CCDC102A: variants seen among roughly 807,000 people sequenced by gnomAD.
CCDC102A encodes the protein coiled-coil domain-containing protein 102A.
In CCDC102A, 40 loss-of-function variants were observed where a neutral mutation model predicts 55.5. The ratio of observed to expected loss-of-function variants is 0.72; its 90% CI spans 0.56 to 0.94. The LOEUF is 0.94. CCDC102A is among the 40% of genes least tolerant of loss of function. The pLI is 0.00. For missense variants in CCDC102A, 779 were observed against 768.6 expected, an observed-to-expected ratio of 1.01 and a Z score of -0.16; for synonymous variants, 323 against 339.0, an observed-to-expected ratio of 0.95 and a Z score of 0.52.
Position 57,516,483 on chromosome 16 carries a change from G to A in CCDC102A, c.1249-20C>T. 1 of 1,598,554 alleles carries A rather than the reference G, an allele frequency of 6.3e-7. No individual in the cohort carries two copies. Among genetic ancestry groups the A allele is most frequent in the African/African-American group, 1.3e-5 (1 of 74,972 alleles). ...CAGCTCCTACAGGGCACAGGGATGG[G>A]GTGGGAGGGAGGAGGGAATCAGTAT... On this transcript the variant is annotated intron_variant, in intron 6 of 8. Coordinates refer to ENST00000258214, the MANE Select transcript of CCDC102A (RefSeq NM_033212.4). This position sits in a 1 kb window ranked among gnomAD's most constrained non-coding sequence, Gnocchi z 4.4.
chr16:57,515,576 C>T (rs2031942087), intron 7 of CCDC102A, 132 bp from the exon 8 acceptor site: 1 of 677,754 alleles, frequency 1.5e-6, no homozygotes. Flanking sequence ...TCCTTGAGGC[C>T]TAGGCTAAGG....
intron 1 of CCDC102A, among the ~76,000 whole-genome samples, chr16:57,531,019 C>A (rs1411962065): frequency 2.6e-5 from 4 of 151,902 alleles, no homozygotes; most frequent in Admixed American, 6.5e-5. Flanking sequence ...CCCAGGTGAA[C>A]CCCCTGGGCT....
intron 4 of CCDC102A, among the ~76,000 whole-genome samples, chr16:57,520,590 AC>A (rs2032030414): frequency 7.7e-6 from 1 of 130,478 alleles, no homozygotes; most frequent in Non-Finnish European, 1.6e-5. Context: ...ACATAACATA[AC>A]ATAAATAAAA....
chr16:57,512,598 C>T lies in CCDC102A; in HGVS notation c.*143G>A, dbSNP rs1314040468. ...GGGCGTTGGTAGGTGGGACTGTTGACGCCATCCCTGGGAGAGAAGAAAGTC... is the reference window on the plus strand; with the variant it reads ...GGGCGTTGGTAGGTGGGACTGTTGATGCCATCCCTGGGAGAGAAGAAAGTC... On this transcript the variant is annotated 3_prime_UTR_variant, in exon 9 of 9. Coordinates refer to ENST00000258214, the MANE Select transcript of CCDC102A (RefSeq NM_033212.4). The T allele has an allele frequency of 1.7e-5, 17 of 1,021,048 alleles. No homozygotes were observed. Among genetic ancestry groups the T allele is most frequent in the African/African-American group, 6.4e-5 (4 of 62,344 alleles). The allele number at this position is 1,021,048 out of a possible 1,614,324, so 63.2% of individuals were successfully genotyped here. A position where few individuals can be genotyped will look rare whatever the true frequency, so the allele number is the denominator to read the frequency against.
Position 57,525,902 on chromosome 16 carries a change from C to A in CCDC102A, c.811G>T (p.Glu271Ter). ...ESQKVLLKEREDKLALSRNIE... is the reference protein window; with the variant it reads ...ESQKVLLKER ...CCCCTCCCGCCTCCCACGACTCACTCTCGCTCCTTGAGCAGCACCTTCTGG... is the reference window on the plus strand; with the variant it reads ...CCCCTCCCGCCTCCCACGACTCACTATCGCTCCTTGAGCAGCACCTTCTGG... Residue 271 changes from glutamate to a stop codon, truncating the protein, a stop_gained and splice_region_variant, in exon 3 of 9, where the codon GAG (glutamate) becomes TAG (stop). Transcript: ENST00000258214. LOFTEE classifies it high-confidence loss of function. 6.2e-7 allele frequency: 1 copy of A among 1,612,426 alleles called. No individual in the cohort carries two copies. Among genetic ancestry groups the A allele is most frequent in the Non-Finnish European group, 8.5e-7 (1 of 1,179,490 alleles).
At chr16:57,531,482 C>CGTGT (rs143294178) in intron 1 of CCDC102A, among the ~76,000 whole-genome samples, 17,461 of 152,094 alleles carry the variant, frequency 0.11, 2,029 homozygotes, top group African/African-American at 0.3. Flanking sequence ...AGTACCCACA[C>CGTGT]CCACCTCCCT....
chr16:57,518,403 T>C (rs2031994655), intron 5 of CCDC102A, 126 bp from the exon 6 acceptor site: 1 of 920,152 alleles, frequency 1.1e-6, no homozygotes, highest in African/African-American at 1.7e-5. Flanking sequence ...GCATTGGCTG[T>C]AATTAAGCTG....
chr16:57,524,282 T>C (rs1235247002), intron 3 of CCDC102A, among the ~76,000 whole-genome samples: 3 of 151,784 alleles, frequency 2.0e-5, no homozygotes, highest in Non-Finnish European at 2.9e-5. Flanking sequence ...TGGAGCCATT[T>C]TCAGATGAGC....
At chr16:57,534,890 G>T (rs1341386477) in intron 1 of CCDC102A, among the ~76,000 whole-genome samples, 2 of 152,224 alleles carry the variant, frequency 1.3e-5, no homozygotes, top group Non-Finnish European at 2.9e-5. Flanking sequence ...ACTGGGAACA[G>T]CGTTGTGTTT....
intron 2 of CCDC102A, among the ~76,000 whole-genome samples, chr16:57,527,250 C>T (rs955663849): frequency 6.6e-6 from 1 of 152,196 alleles, no homozygotes; most frequent in Non-Finnish European, 1.5e-5. Flanking sequence ...AGCTTGGACC[C>T]TGCCCCTAGG....
intron 8 of CCDC102A, 51 bp from the exon 9 acceptor site, chr16:57,512,921 C>T (rs368512762): frequency 1.0e-5 from 16 of 1,538,950 alleles, no homozygotes; most frequent in Middle Eastern, 1.8e-4. Flanking sequence ...GGTAGTCCCC[C>T]GATAAGGTGG....
intron 3 of CCDC102A, among the ~76,000 whole-genome samples, chr16:57,521,607 C>T (rs1598073628): frequency 6.6e-6 from 1 of 152,224 alleles, no homozygotes; most frequent in Non-Finnish European, 1.5e-5. Flanking sequence ...CCCTGCAAGG[C>T]TTGGTCTGAA....
At position 57,528,822 on chromosome 16, in the gene CCDC102A, C is replaced by G; in HGVS notation, c.356G>C (p.Arg119Pro). The G allele has an allele frequency of 7.9e-7, 1 of 1,264,886 alleles. No individual in the cohort carries two copies. Among genetic ancestry groups the G allele is most frequent in the Non-Finnish European group, 1.0e-6 (1 of 994,796 alleles). 78.4% of individuals were successfully genotyped at this position (1,264,886 alleles called of 1,614,324 possible). The change falls in exon 2 of 9, where the codon CGC (arginine) becomes CCC (proline). Residue 119 changes from arginine (R) to proline (P), a missense_variant. Transcript: ENST00000258214. ...SKVRAERNRA[R>P]EEVRQLRQRL... is the part of the protein sequence containing the mutation. ...CTGGCGCAGCTGGCGCACCTCCTCG[C>G]GCGCGCGGTTGCGCTCAGCGCGCAC...
chr16:57,530,180 C>G (rs889611493), intron 1 of CCDC102A, among the ~76,000 whole-genome samples: 1 of 152,110 alleles, frequency 6.6e-6, no homozygotes, highest in East Asian at 1.9e-4. Context: ...CCGGAACCAC[C>G]CCTCCCTGAC....
Position 57,528,875 on chromosome 16 carries a change from A to G in CCDC102A, c.303T>C (p.Thr101=). 1 of 1,374,274 alleles carries G rather than the reference A, an allele frequency of 7.3e-7. No individual in the cohort carries two copies. Among genetic ancestry groups the G allele is most frequent in the East Asian group, 3.3e-5 (1 of 30,472 alleles). 85.1% of individuals were successfully genotyped at this position (1,374,274 alleles called of 1,614,324 possible). A position where few individuals can be genotyped will look rare whatever the true frequency, so the allele number is the denominator to read the frequency against. Residue 101 remains threonine (T), a synonymous_variant, in exon 2 of 9, where the codon ACT becomes ACC. Transcript: ENST00000258214. The part of the protein sequence containing the change: ...EKTMRRWSDC[T]ANWREKWSKV... ...TGCTCCATTTCTCGCGCCAATTGGC[A>G]GTGCAGTCCGACCACCGGCGCATGG...
intron 6 of CCDC102A, among the ~76,000 whole-genome samples, chr16:57,517,605 A>G (rs752369944): frequency 6.0e-4 from 91 of 152,240 alleles, no homozygotes; most frequent in Non-Finnish European, 1.2e-3. Context: ...CAGCCTCCCA[A>G]AGTGCTGAGA....
At chr16:57,520,980 A>AATG in intron 4 of CCDC102A, 88 bp downstream of exon 4, 1 of 834,734 alleles carries the variant, frequency 1.2e-6, no homozygotes, top group Non-Finnish European at 2.0e-6. Context: ...TGAATTAATG[A>AATG]ATGAATTCTC....
intron 8 of CCDC102A, 52 bp from the exon 9 acceptor site, chr16:57,512,922 G>A (rs749783013): frequency 7.2e-6 from 11 of 1,532,598 alleles, no homozygotes; most frequent in South Asian, 5.7e-5. Flanking sequence ...GTAGTCCCCC[G>A]ATAAGGTGGC....
chr16:57,515,544 G>T, intron 7 of CCDC102A, 100 bp from the exon 8 acceptor site: 1 of 734,826 alleles, frequency 1.4e-6, no homozygotes, highest in Non-Finnish European at 2.4e-6. Context: ...CCCTGGGAAG[G>T]TGCTCCTCCG....
Sources: gnomAD v4.1 joint callset for allele counts (sites outside exome capture counted in the v4.1 genomes callset) on GRCh38, gnomAD v4.1.1 for gene constraint, Gnocchi (gnomAD v3.1) non-coding constraint, MANE v1.5 for transcripts, NCBI Gene and HGNC (gene_info 2026-07-23, HGNC 2026-07-21) for gene names.